DOCK10: variants seen among roughly 807,000 people sequenced by gnomAD.
DOCK10 encodes the protein dedicator of cytokinesis protein 10.
DOCK10 carries 145 observed loss-of-function variants against 280.1 expected under a neutral mutation model. The ratio of observed to expected loss-of-function variants is 0.52; its 90% confidence interval spans 0.45 to 0.59. DOCK10 has a LOEUF of 0.59. Ranked by LOEUF, DOCK10 falls within the 20% of genes least tolerant of loss-of-function variation. The pLI, the probability that DOCK10 is intolerant of heterozygous loss-of-function variation, is 0.00. For synonymous variants in DOCK10, 915 were observed against 942.2 expected (o/e 0.97, Z 0.53); for missense variants, 2,368 against 2,651.7 (o/e 0.89, Z 2.35).
intron 4 of DOCK10, among the ~76,000 whole-genome samples, chr2:224,894,859 A>C (rs544542588): frequency 5.3e-4 from 81 of 152,286 alleles, no homozygotes; most frequent in Middle Eastern, 6.8e-3. Flanking sequence ...AGAGTAGCCC[A>C]AGAGTTCTTT....
chr2:224,803,978 G>A (rs1693192714), intron 39 of DOCK10, 134 bp downstream of exon 39: 2 of 569,182 alleles, frequency 3.5e-6, no homozygotes, highest in South Asian at 5.0e-5. Context: ...TCTGCACTTG[G>A]TTTGAATATA....
intron 1 of DOCK10, among the ~76,000 whole-genome samples, chr2:224,977,307 A>G (rs570124565): frequency 6.6e-6 from 1 of 152,246 alleles, no homozygotes; most frequent in Admixed American, 6.5e-5. Flanking sequence ...GTGTGTGGGT[A>G]TTGGTCATAT....
chr2:224,990,595 TGTA>T (rs1706099435), intron 1 of DOCK10, among the ~76,000 whole-genome samples: 1 of 122,450 alleles, frequency 8.2e-6, no homozygotes, highest in African/African-American at 6.3e-5. Context: ...TAGTTTTTGT[TGTA>T]GTTGTTGTTG....
intron 1 of DOCK10, chr2:224,982,072 C>G (rs2126254796): frequency 3.4e-6 from 2 of 580,328 alleles, no homozygotes; most frequent in East Asian, 7.0e-5. Context: ...AGATTTTCCC[C>G]AAACAGTACT....
chr2:224,979,906 A>AC, intron 1 of DOCK10, among the ~76,000 whole-genome samples: 1 of 152,198 alleles, frequency 6.6e-6, no homozygotes, highest in South Asian at 2.1e-4. Context: ...CACAGCTGAT[A>AC]AGTGATGAAG....
intron 31 of DOCK10, among the ~76,000 whole-genome samples, chr2:224,813,753 C>A (rs1693941562): frequency 6.6e-6 from 1 of 152,120 alleles, no homozygotes; most frequent in South Asian, 2.1e-4. Flanking sequence ...TTCAGGAATG[C>A]AGAAGTTCAG....
At position 224,845,651 on chromosome 2, in the gene DOCK10, A is replaced by T; in HGVS notation, c.2236-9T>A. The T allele has an allele frequency of 6.8e-6, 11 of 1,607,058 alleles. No homozygotes were observed. The highest frequency in any genetic ancestry group is 9.3e-6 in the Non-Finnish European group (11 of 1,177,410). On this transcript the variant is annotated splice_polypyrimidine_tract_variant and intron_variant, in intron 19 of 55. Coordinates refer to ENST00000258390, the MANE Select transcript of DOCK10 (RefSeq NM_014689.3). ...GGTAGCTCAATTTTCACCTGCAACG[A>T]AAGAAACCATAGTTGGACTGAGATT...
intron 1 of DOCK10, among the ~76,000 whole-genome samples, chr2:225,034,584 C>T (rs192507970): frequency 5.5e-4 from 83 of 152,240 alleles, no homozygotes; most frequent in Non-Finnish European, 7.8e-4. Flanking sequence ...AATGTACATT[C>T]GGCCCACCCT....
At chr2:224,933,740 T>G (rs1702529189) in intron 1 of DOCK10, among the ~76,000 whole-genome samples, 1 of 152,184 alleles carries the variant, frequency 6.6e-6, no homozygotes, top group African/African-American at 2.4e-5. Context: ...ACTTTTATCT[T>G]CTCCCTCCTC....
At chr2:224,844,876 T>C (rs1191421703) in intron 21 of DOCK10, 37 bp from the exon 22 acceptor site, 1 of 1,386,178 alleles carries the variant, frequency 7.2e-7, no homozygotes, top group Non-Finnish European at 1.0e-6. Flanking sequence ...ACTGGGACAA[T>C]TCGAGAGAAA....
intron 14 of DOCK10, among the ~76,000 whole-genome samples, chr2:224,857,428 GCCAT>G (rs1242183512): frequency 6.6e-6 from 1 of 152,170 alleles, no homozygotes; most frequent in African/African-American, 2.4e-5. Context: ...AGTGTGGAAG[GCCAT>G]ACTCTTGACA....
chr2:224,960,543 T>C (rs1239195027), intron 1 of DOCK10, among the ~76,000 whole-genome samples: 1 of 152,110 alleles, frequency 6.6e-6, no homozygotes, highest in African/African-American at 2.4e-5. Flanking sequence ...TTCTTCCATA[T>C]GTCCTTTCAA....
At chr2:224,905,196 G>C (rs530612592) in intron 3 of DOCK10, among the ~76,000 whole-genome samples, 1 of 150,234 alleles carries the variant, frequency 6.7e-6, no homozygotes, top group Non-Finnish European at 1.5e-5. Context: ...CAGTATTTTG[G>C]TACACAATTT....
chr2:224,941,766 C>G (rs1703096596), intron 1 of DOCK10, among the ~76,000 whole-genome samples: 2 of 151,280 alleles, frequency 1.3e-5, no homozygotes, highest in African/African-American at 4.9e-5. Context: ...ATCTCTTGAA[C>G]CCGGGAGGCA....
At chr2:225,011,329 T>C (rs1689428859) in intron 1 of DOCK10, among the ~76,000 whole-genome samples, 2 of 152,214 alleles carry the variant, frequency 1.3e-5, no homozygotes, top group South Asian at 4.1e-4. Flanking sequence ...ATAAACCTGC[T>C]AGAAGTATTC....
chr2:224,879,660 A>G (rs1351918511), intron 7 of DOCK10, among the ~76,000 whole-genome samples: 1 of 152,132 alleles, frequency 6.6e-6, no homozygotes, highest in Non-Finnish European at 1.5e-5. Context: ...TGGGAGGCTG[A>G]GGCAGGAAAG....
intron 3 of DOCK10, among the ~76,000 whole-genome samples, chr2:224,915,388 G>A (rs886883105): frequency 1.5e-4 from 23 of 152,146 alleles, no homozygotes; most frequent in African/African-American, 5.6e-4. Context: ...GATGTTATCT[G>A]AGTCTGCATT....
Position 224,793,429 on chromosome 2 carries a change from G to A in DOCK10, c.5183C>T (p.Ala1728Val), listed in dbSNP as rs774621395. The change falls in exon 46 of 56, where the codon GCT becomes GTT. Residue 1728 changes from alanine to valine, a missense_variant. Physicochemically the swap from Ala to Val is moderately conservative, Grantham distance 64. Around this residue, in one of 2 missense-constraint regions of DOCK10, gnomAD observed 1,159 missense variants for 1,400.8 expected, o/e 0.83. Coordinates refer to ENST00000258390, the MANE Select transcript of DOCK10 (RefSeq NM_014689.3). ...EAAMCYIHIA[A>V]LIAEYLKRKG... ...TCTTTTCAGATACTCTGCAATGAGA[G>A]CAGCAATATGGATGTAACACATGGC... 3.1e-6 allele frequency: 5 copies of A among 1,613,468 alleles called. No homozygotes were observed. In the African/African-American group the frequency reaches 5.3e-5, roughly 17 times the overall value.
chr2:224,805,479 A>C lies in DOCK10; in HGVS notation c.3865T>G (p.Ser1289Ala). The change falls in exon 35 of 56, where the codon TCT becomes GCT. Residue 1289 changes from serine (S) to alanine (A), a missense_variant. Physicochemically the swap from Ser to Ala is moderately conservative, Grantham distance 99. Around this residue, in one of 2 missense-constraint regions of DOCK10, gnomAD observed 1,159 missense variants for 1,400.8 expected, o/e 0.83. Coordinates refer to ENST00000258390, the MANE Select transcript of DOCK10 (RefSeq NM_014689.3). The surrounding 1 kb of genome is among the most constrained non-coding windows in gnomAD (Gnocchi z 4.3). The part of the protein sequence containing the change: ...STVNHADSRA[S>A]LASLDSNPST... ...GGATTGGAGTCAAGACTTGCTAAAG[A>C]TGCTCTGGAGTCAGCATGGTTTACT... 6.2e-7 allele frequency: 1 copy of C among 1,612,776 alleles called. No homozygotes were observed.
Sources: allele counts gnomAD v4.1 joint callset (sites outside exome capture counted in the v4.1 genomes callset), GRCh38; gene constraint gnomAD v4.1.1; regional missense constraint gnomAD v4.1.1; non-coding constraint Gnocchi (gnomAD v3.1); transcripts MANE v1.5; gene names NCBI Gene and HGNC (gene_info 2026-07-23, HGNC 2026-07-21).